The following GLIS3 variants were observed in gnomAD, a reference collection of about 807,000 sequenced individuals.
GLIS3 encodes the protein zinc finger protein GLIS3.
In GLIS3, 53 loss-of-function variants were observed where a neutral mutation model predicts 78.6. That is an observed-to-expected ratio of 0.67 (90% CI 0.54 to 0.85). The LOEUF (loss-of-function observed/expected upper bound fraction) is 0.85, where lower values mean the gene tolerates loss of function less well. Among genes scored for constraint, GLIS3 ranks in the 40% least tolerant of loss-of-function variants. The pLI, the probability that GLIS3 is intolerant of heterozygous loss-of-function variation, is 0.00. For synonymous variants in GLIS3, 684 were observed against 509.9 expected (o/e 1.34, Z -4.60); for missense variants, 1,703 against 1,231.1 (o/e 1.38, Z -5.74).
rs1035614472 is a variant in GLIS3, at chr9:4,069,470, G to A, written c.1710+48298C>T. ...ATTTAAAAAGTACATGAGCCTCAACGCACACTAAAAGACCAGTCCCTGAGT... is the reference window on the plus strand; with the variant it reads ...ATTTAAAAAGTACATGAGCCTCAACACACACTAAAAGACCAGTCCCTGAGT... On this transcript the variant is annotated intron_variant, in intron 4 of 10. Coordinates refer to ENST00000381971, the MANE Select transcript of GLIS3 (RefSeq NM_001042413.2). Among the ~76,000 whole-genome samples the A allele has an allele frequency of 3.3e-5, 5 of 152,118 alleles. No homozygotes were observed. The South Asian group carries it at 6.2e-4, about 19-fold the overall frequency.
intron 2 of GLIS3, among the ~76,000 whole-genome samples, chr9:4,158,133 C>G (rs998330923): frequency 1.3e-5 from 2 of 151,966 alleles, no homozygotes; most frequent in African/African-American, 2.4e-5. Context: ...CTTTTTTTTC[C>G]TTTCCAAAAC....
chr9:4,318,104 T>C (rs1238249361), intron 2 of GLIS3, among the ~76,000 whole-genome samples: 3 of 152,158 alleles, frequency 2.0e-5, no homozygotes, highest in African/African-American at 7.2e-5. Context: ...AAGCATGCTT[T>C]AAAATGCATG....
chr9:4,123,994 TTCTC>T (rs1832381793), intron 3 of GLIS3: 2 of 389,088 alleles, frequency 5.1e-6, no homozygotes, highest in South Asian at 2.9e-4. Flanking sequence ...GCTAAGCTGA[TTCTC>T]TCTCCATCTT....
At chr9:4,330,018 G>C (rs945188128) in intron 2 of GLIS3, among the ~76,000 whole-genome samples, 5 of 152,116 alleles carry the variant, frequency 3.3e-5, no homozygotes, top group African/African-American at 7.2e-5. Flanking sequence ...CCCTTGCCAA[G>C]TCAGCTGGAG....
chr9:4,128,488 G>C (rs1046072316), intron 2 of GLIS3, among the ~76,000 whole-genome samples: 3 of 152,174 alleles, frequency 2.0e-5, no homozygotes, highest in African/African-American at 2.4e-5. Flanking sequence ...AGTGAAATTA[G>C]AATGAATGAA....
chr9:4,219,778 G>T (rs1195516486), intron 2 of GLIS3, among the ~76,000 whole-genome samples: 1 of 152,196 alleles, frequency 6.6e-6, no homozygotes, highest in South Asian at 2.1e-4. Context: ...GGCAGCACGT[G>T]CAGCAGGTCC....
At position 4,106,956 on chromosome 9, in the gene GLIS3, T is replaced by C. The variant is rs531195864; in HGVS notation, c.1710+10812A>G. ...GAAAAACTGAGTAATCCACTTGAGA[T>C]AGGGAGCATTTTCCCAGCAGTGGTG... On this transcript the variant is annotated intron_variant, in intron 4 of 10. Coordinates refer to ENST00000381971, the MANE Select transcript of GLIS3 (RefSeq NM_001042413.2). Among the ~76,000 whole-genome samples the C allele has an allele frequency of 1.3e-4, 19 of 151,972 alleles. 1 individual carries two copies. In the South Asian group the frequency reaches 1.9e-3, roughly 15 times the overall value.
At chr9:4,141,627 T>C (rs1043493862) in intron 2 of GLIS3, among the ~76,000 whole-genome samples, 19 of 152,232 alleles carry the variant, frequency 1.2e-4, no homozygotes, top group Non-Finnish European at 1.9e-4. Context: ...ATCTGATTTG[T>C]TGTGATTTAA....
intron 9 of GLIS3, among the ~76,000 whole-genome samples, chr9:3,836,161 T>C (rs1177651546): frequency 6.6e-6 from 1 of 152,220 alleles, no homozygotes; most frequent in Non-Finnish European, 1.5e-5. Context: ...GAACCAGCCC[T>C]GGCAGAGCAG....
intron 6 of GLIS3, among the ~76,000 whole-genome samples, chr9:3,929,491 C>T (rs984815037): frequency 6.6e-6 from 1 of 152,180 alleles, no homozygotes; most frequent in Non-Finnish European, 1.5e-5. Context: ...GACCCCTCCT[C>T]ACATGAATTT....
rs1416267534 is a variant in GLIS3, at chr9:3,826,386, G to A, written c.*1886C>T. 5 of 152,218 alleles carry A rather than the reference G, an allele frequency of 3.3e-5. No homozygotes were observed. The highest frequency in any genetic ancestry group is 1.2e-4 in the African/African-American group (5 of 41,462). 9.4% of individuals were successfully genotyped at this position (152,218 alleles called of 1,614,324 possible). A position where few individuals can be genotyped will look rare whatever the true frequency, so the allele number is the denominator to read the frequency against. Reference sequence around the variant, plus strand: ...AGTGACACGACCCACAAAGTCTGCAGGAAGGGTGGTACTTTACAAGCAGCC... The same window carrying A: ...AGTGACACGACCCACAAAGTCTGCAAGAAGGGTGGTACTTTACAAGCAGCC... On this transcript the variant is annotated 3_prime_UTR_variant, in exon 11 of 11. Coordinates refer to ENST00000381971, the MANE Select transcript of GLIS3 (RefSeq NM_001042413.2).
At chr9:4,337,219 C>T (rs889094039) in intron 2 of GLIS3, among the ~76,000 whole-genome samples, 1 of 152,132 alleles carries the variant, frequency 6.6e-6, no homozygotes. Context: ...GGACACAGTC[C>T]TGAGGAAATA....
chr9:4,457,646 G>C, the GLIS3 span, among the ~76,000 whole-genome samples: 1 of 151,760 alleles, frequency 6.6e-6, no homozygotes, highest in East Asian at 1.9e-4. Flanking sequence ...AGGAGATCGA[G>C]ACCATCCTGG....
intron 2 of GLIS3, among the ~76,000 whole-genome samples, chr9:4,185,993 TTTTAA>T (rs1402174519): frequency 1.3e-5 from 2 of 151,926 alleles, no homozygotes; most frequent in East Asian, 3.8e-4. Context: ...TTCTTCTTTT[TTTTAA>T]ATTTTATTTT....
chr9:4,058,776 C>T (rs1409352071), intron 4 of GLIS3, among the ~76,000 whole-genome samples: 4 of 151,956 alleles, frequency 2.6e-5, no homozygotes, highest in East Asian at 1.9e-4. Context: ...GTCAGGAGAT[C>T]GAGACCATCC....
intron 4 of GLIS3, among the ~76,000 whole-genome samples, chr9:4,063,530 C>A (rs915166573): frequency 1.3e-5 from 2 of 151,460 alleles, no homozygotes; most frequent in African/African-American, 4.9e-5. Context: ...TTTTAAAGCC[C>A]TTGGTAAGAG....
Position 4,171,964 on chromosome 9 carries a change from A to G in GLIS3, c.389-46023T>C, listed in dbSNP as rs113499699. On this transcript the variant is annotated intron_variant, in intron 2 of 10. Coordinates refer to ENST00000381971, the MANE Select transcript of GLIS3 (RefSeq NM_001042413.2). ...TTTTTATTTTATTTCACTTGAGGTG[A>G]TAATAACCAGAAGGGTTTTTTGTGG... Among the ~76,000 whole-genome samples, 183 of 152,338 alleles carry G rather than the reference A, an allele frequency of 1.2e-3. 1 individual carries two copies. The highest frequency in any genetic ancestry group is 4.3e-3 in the African/African-American group (179 of 41,572).
At chr9:4,244,418 ATAATT>A (rs1386006179) in intron 2 of GLIS3, among the ~76,000 whole-genome samples, 2 of 152,264 alleles carry the variant, frequency 1.3e-5, no homozygotes, top group African/African-American at 4.8e-5. Flanking sequence ...TAGTATTTAC[ATAATT>A]TAATTAAATA....
intron 9 of GLIS3, among the ~76,000 whole-genome samples, chr9:3,839,221 A>C (rs902667202): frequency 6.6e-6 from 1 of 152,228 alleles, no homozygotes; most frequent in Non-Finnish European, 1.5e-5. Context: ...TGTTTATATG[A>C]TATCATGTCA....
Sources: gnomAD v4.1 joint callset for allele counts (sites outside exome capture counted in the v4.1 genomes callset) on GRCh38, gnomAD v4.1.1 for gene constraint, MANE v1.5 for transcripts, NCBI Gene and HGNC (gene_info 2026-07-23, HGNC 2026-07-21) for gene names.